The following TCF4 variants were observed in gnomAD, a reference collection of about 807,000 sequenced individuals.
TCF4 encodes transcription factor 4, also known as SL3-3 enhancer factor 2.
In TCF4, 3 loss-of-function variants were observed where a neutral mutation model predicts 82.1. The ratio of observed to expected loss-of-function variants is 0.04; its 90% confidence interval spans 0.02 to 0.09. TCF4 has a LOEUF of 0.09. Ranked by LOEUF, TCF4 falls within the 10% of genes least tolerant of loss-of-function variation. The probability of loss-of-function intolerance (pLI) is 1.00; values close to 1 mark genes in which losing one functional copy is unlikely to be tolerated. For synonymous variants in TCF4, 276 were observed against 309.6 expected (o/e 0.89, Z 1.14); for missense variants, 518 against 852.7 (o/e 0.61, Z 4.89).
intron 2 of TCF4, among the ~76,000 whole-genome samples, chr18:55,628,500 T>G (rs2097728714): frequency 6.6e-6 from 1 of 152,092 alleles, no homozygotes; most frequent in Admixed American, 6.6e-5. Flanking sequence ...TAATATAGAG[T>G]TAACTTATTT....
At chr18:55,531,399 C>T (rs1041662087) in intron 3 of TCF4, among the ~76,000 whole-genome samples, 1 of 152,066 alleles carries the variant, frequency 6.6e-6, no homozygotes, top group African/African-American at 2.4e-5. Flanking sequence ...AAGAAAGGAT[C>T]GCTAAGTAGA....
chr18:55,573,111 T>C (rs2097491128), intron 3 of TCF4, among the ~76,000 whole-genome samples: 2 of 151,842 alleles, frequency 1.3e-5, no homozygotes, highest in African/African-American at 2.4e-5. Flanking sequence ...CTTCCACCCC[T>C]GTACCCTCGC....
intron 15 of TCF4, among the ~76,000 whole-genome samples, chr18:55,239,970 G>GT (rs1189515517): frequency 6.6e-6 from 1 of 152,178 alleles, no homozygotes; most frequent in Non-Finnish European, 1.5e-5. Flanking sequence ...TTCAATCCTA[G>GT]TTAATGTTAT....
intron 3 of TCF4, among the ~76,000 whole-genome samples, chr18:55,523,704 C>T (rs1366982309): frequency 3.3e-5 from 5 of 151,044 alleles, no homozygotes; most frequent in South Asian, 2.1e-4. Context: ...GCAATACAAT[C>T]GACTGTTACA....
intron 15 of TCF4, among the ~76,000 whole-genome samples, chr18:55,245,285 A>C (rs1462251500): frequency 6.6e-6 from 1 of 152,216 alleles, no homozygotes; most frequent in African/African-American, 2.4e-5. Context: ...AAAATAACAC[A>C]ACGGCCATGG....
intron 3 of TCF4, chr18:55,518,937 T>C (rs1270741517): frequency 2.0e-5 from 3 of 152,090 alleles, no homozygotes; most frequent in Non-Finnish European, 4.4e-5. Context: ...TATTTACACA[T>C]ATCCAAGCAT....
At chr18:55,451,867 A>G (rs2095630650) in intron 5 of TCF4, among the ~76,000 whole-genome samples, 1 of 152,162 alleles carries the variant, frequency 6.6e-6, no homozygotes, top group Non-Finnish European at 1.5e-5. Flanking sequence ...TTGGCTGGGC[A>G]CAGTGGCTCA....
intron 3 of TCF4, chr18:55,469,563 A>T (rs1000989193): frequency 1.3e-5 from 2 of 152,226 alleles, no homozygotes; most frequent in Non-Finnish European, 2.9e-5. Flanking sequence ...AAAGATGTTC[A>T]GACATAATTC....
At chr18:55,622,168 CACACGCACTCACACACACA>C (rs2097721814) in intron 2 of TCF4, among the ~76,000 whole-genome samples, 1 of 101,690 alleles carries the variant, frequency 9.8e-6, no homozygotes, top group Admixed American at 1.6e-4. Flanking sequence ...CACACACACA[CACACGCACTCACACACACA>C]CCCTCTTCTT....
chr18:55,296,186 T>C (rs1447315054), intron 8 of TCF4, among the ~76,000 whole-genome samples: 1 of 152,058 alleles, frequency 6.6e-6, no homozygotes. Context: ...TGTAACTCTC[T>C]GAAACTGATA....
chr18:55,243,181 A>G (rs2051893713), intron 15 of TCF4, among the ~76,000 whole-genome samples: 1 of 152,264 alleles, frequency 6.6e-6, no homozygotes, highest in Non-Finnish European at 1.5e-5. Context: ...ATTTCATTTT[A>G]TATCAATAAG....
At chr18:55,508,272 C>T (rs193252154) in intron 3 of TCF4, among the ~76,000 whole-genome samples, 1 of 152,188 alleles carries the variant, frequency 6.6e-6, no homozygotes, top group Non-Finnish European at 1.5e-5. Flanking sequence ...TGATCTATAA[C>T]CTACTCCAGG....
intron 5 of TCF4, among the ~76,000 whole-genome samples, chr18:55,433,376 A>G (rs1002031447): frequency 2.6e-5 from 4 of 152,264 alleles, no homozygotes; most frequent in Admixed American, 6.5e-5. Context: ...ACTAGCAGCT[A>G]CTGTTCCCAG....
chr18:55,309,917 A>C (rs1288649701), intron 8 of TCF4, among the ~76,000 whole-genome samples: 2 of 152,244 alleles, frequency 1.3e-5, no homozygotes, highest in African/African-American at 4.8e-5. Context: ...GATTTAAAAA[A>C]ATTACCATCT....
intron 3 of TCF4, among the ~76,000 whole-genome samples, chr18:55,475,316 TC>T (rs1283343936): frequency 6.6e-6 from 1 of 152,184 alleles, no homozygotes; most frequent in Admixed American, 6.5e-5. Flanking sequence ...ATCAGATGCT[TC>T]CTCATGATTA....
chr18:55,463,977 T>TGTGAGAGA (rs867214369), intron 4 of TCF4, 99 bp downstream of exon 4: 78 of 303,756 alleles, frequency 2.6e-4, no homozygotes, highest in Middle Eastern at 9.5e-4. Context: ...TGTGTGTGTG[T>TGTGAGAGA]GAGAGAGAGA....
At chr18:55,397,667 A>G (rs1329282440) in intron 6 of TCF4, among the ~76,000 whole-genome samples, 5 of 152,236 alleles carry the variant, frequency 3.3e-5, no homozygotes, top group East Asian at 3.8e-4. Flanking sequence ...AGACATTTGC[A>G]TGAGGACAAC....
intron 15 of TCF4, among the ~76,000 whole-genome samples, chr18:55,249,740 C>A (rs372872892): frequency 2.6e-5 from 4 of 152,112 alleles, no homozygotes; most frequent in Admixed American, 2.0e-4. Flanking sequence ...TACACTAATG[C>A]GATATATGAA....
chr18:55,343,693 A>G (rs1442336710), intron 8 of TCF4, among the ~76,000 whole-genome samples: 1 of 152,058 alleles, frequency 6.6e-6, no homozygotes, highest in Admixed American at 6.6e-5. Flanking sequence ...AAACTCCTCA[A>G]ATAGCTCTAC....
Sources: gnomAD v4.1 joint callset for allele counts (sites outside exome capture counted in the v4.1 genomes callset) on GRCh38, gnomAD v4.1.1 for gene constraint, MANE v1.5 for transcripts, NCBI Gene and HGNC (gene_info 2026-07-23, HGNC 2026-07-21) for gene names.